Variants in DOCK4 observed in about 807,000 individuals in gnomAD.
The protein encoded by DOCK4 is dedicator of cytokinesis protein 4.
Under a neutral mutation model 268.1 loss-of-function variants are expected in DOCK4, and 97 were observed. That is an observed-to-expected ratio of 0.36 (90% CI 0.31 to 0.43). The LOEUF (loss-of-function observed/expected upper bound fraction) is 0.43, where lower values mean the gene tolerates loss of function less well. Among genes scored for constraint, DOCK4 ranks in the 20% least tolerant of loss-of-function variants. The pLI is 1.00. For synonymous variants in DOCK4, 954 were observed against 887.2 expected (o/e 1.08, Z -1.34); for missense variants, 2,145 against 2,455.7 (o/e 0.87, Z 2.67).
chr7:111,963,457 GA>G (rs1158222886), intron 8 of DOCK4, among the ~76,000 whole-genome samples: 1 of 109,866 alleles, frequency 9.1e-6, no homozygotes, highest in Non-Finnish European at 1.7e-5. Context: ...GACGCACCTG[GA>G]AAATCGGGTC....
intron 16 of DOCK4, among the ~76,000 whole-genome samples, chr7:111,881,093 A>C (rs1807345492): frequency 6.6e-6 from 1 of 152,196 alleles, no homozygotes; most frequent in Non-Finnish European, 1.5e-5. Flanking sequence ...CATCAAGTCA[A>C]AAAGCTGCAC....
intron 1 of DOCK4, among the ~76,000 whole-genome samples, chr7:112,168,654 A>C (rs1356875321): frequency 6.6e-6 from 1 of 152,198 alleles, no homozygotes; most frequent in African/African-American, 2.4e-5. Flanking sequence ...TCAGTGAGTC[A>C]AGATGCCAAG....
At chr7:112,034,376 A>C (rs1025984792) in intron 1 of DOCK4, among the ~76,000 whole-genome samples, 1 of 152,218 alleles carries the variant, frequency 6.6e-6, no homozygotes, top group African/African-American at 2.4e-5. Context: ...TCTGCCCCAC[A>C]CATGGTAATG....
At chr7:112,181,642 A>AAAAG (rs1662428403) in intron 1 of DOCK4, among the ~76,000 whole-genome samples, 1 of 150,338 alleles carries the variant, frequency 6.7e-6, no homozygotes, top group African/African-American at 2.4e-5. Context: ...ACTGTCTCAA[A>AAAAG]AAAAAAAAAA....
chr7:112,170,982 C>T (rs1438650263), intron 1 of DOCK4, among the ~76,000 whole-genome samples: 2 of 152,182 alleles, frequency 1.3e-5, no homozygotes, highest in Admixed American at 1.3e-4. Flanking sequence ...TCACAACACA[C>T]ACACACAGAA....
chr7:111,864,396 G>C (rs1805804987), intron 22 of DOCK4, among the ~76,000 whole-genome samples: 1 of 152,160 alleles, frequency 6.6e-6, no homozygotes. Flanking sequence ...GGCAATGGAA[G>C]AAGAGTCGAC....
At chr7:112,008,579 T>C (rs1436922561) in intron 1 of DOCK4, among the ~76,000 whole-genome samples, 1 of 152,196 alleles carries the variant, frequency 6.6e-6, no homozygotes, top group East Asian at 1.9e-4. Context: ...ATTCCTTGGT[T>C]TCAATGATGC....
In DOCK4 at chr7:111,737,059, C is replaced by T. The variant is rs182404082; in HGVS notation, c.5233-70G>A. The T allele has an allele frequency of 2.3e-4, 310 of 1,326,822 alleles. 1 individual carries two copies. The African/African-American group carries it at 3.6e-3, about 15-fold the overall frequency. 82.2% of individuals were successfully genotyped at this position (1,326,822 alleles called of 1,614,324 possible). A position where few individuals can be genotyped will look rare whatever the true frequency, so the allele number is the denominator to read the frequency against. On this transcript the variant is annotated intron_variant, in intron 49 of 52. Transcript: ENST00000428084. ...ATGTGAAACCTTTCAGAAAATGAGA[C>T]GATTATCTCCTCAGTAAAACTTTTT...
At chr7:112,128,960 T>C (rs1813544556) in intron 1 of DOCK4, among the ~76,000 whole-genome samples, 1 of 152,192 alleles carries the variant, frequency 6.6e-6, no homozygotes, top group Admixed American at 6.5e-5. Context: ...GGTGAAAATG[T>C]AGAATAGATA....
intron 1 of DOCK4, among the ~76,000 whole-genome samples, chr7:112,060,307 C>G (rs1372768760): frequency 6.6e-6 from 1 of 152,130 alleles, no homozygotes; most frequent in Non-Finnish European, 1.5e-5. Context: ...ATCAAAAAAA[C>G]CCCAGAAACT....
chr7:111,789,442 T>G (rs1253428157), intron 31 of DOCK4, among the ~76,000 whole-genome samples: 2 of 152,210 alleles, frequency 1.3e-5, no homozygotes, highest in Non-Finnish European at 2.9e-5. Flanking sequence ...AAAACTTCTC[T>G]ATGGCCAGAG....
chr7:111,745,753 C>A (rs886203559), intron 44 of DOCK4, among the ~76,000 whole-genome samples: 8 of 135,058 alleles, frequency 5.9e-5, no homozygotes, highest in Non-Finnish European at 3.1e-5. Context: ...AGAGAACATT[C>A]AAAGAATGTT....
At chr7:111,900,608 CT>C in intron 14 of DOCK4, 72 bp from the exon 15 acceptor site, 1 of 1,471,802 alleles carries the variant, frequency 6.8e-7, no homozygotes, top group South Asian at 1.3e-5. Flanking sequence ...AGAGCAATCA[CT>C]TTGCTCTATC....
chr7:111,896,486 G>GTT (rs750840339), intron 15 of DOCK4, among the ~76,000 whole-genome samples: 1 of 134,006 alleles, frequency 7.5e-6, no homozygotes, highest in Admixed American at 7.2e-5. Context: ...TTTCCACCAA[G>GTT]GTTTTTTTTT....
At chr7:111,766,497 G>A (rs1255107347) in intron 38 of DOCK4, among the ~76,000 whole-genome samples, 1 of 152,278 alleles carries the variant, frequency 6.6e-6, no homozygotes, top group East Asian at 1.9e-4. Flanking sequence ...GAACCTAAGA[G>A]CAAAGCAGAT....
At chr7:111,795,209 G>A (rs764590599) in intron 30 of DOCK4, among the ~76,000 whole-genome samples, 1 of 152,056 alleles carries the variant, frequency 6.6e-6, no homozygotes, top group Non-Finnish European at 1.5e-5. Flanking sequence ...TGGCACTCCT[G>A]GTAGTCCCAG....
chr7:112,087,032 C>G (rs911692430), intron 1 of DOCK4, among the ~76,000 whole-genome samples: 2 of 152,022 alleles, frequency 1.3e-5, no homozygotes, highest in African/African-American at 4.8e-5. Flanking sequence ...CTGAGATAAC[C>G]CTCAGGAGTC....
At chr7:112,026,716 A>G (rs1049554093) in intron 1 of DOCK4, among the ~76,000 whole-genome samples, 1 of 152,238 alleles carries the variant, frequency 6.6e-6, no homozygotes, top group Admixed American at 6.5e-5. Context: ...CTGCTTTTGC[A>G]CTATAATGAC....
intron 1 of DOCK4, among the ~76,000 whole-genome samples, chr7:112,008,837 T>C (rs1183440149): frequency 6.6e-6 from 1 of 152,052 alleles, no homozygotes; most frequent in Non-Finnish European, 1.5e-5. Context: ...CTACTAAAAA[T>C]ACAAAAAGTA....
Sources: allele counts gnomAD v4.1 joint callset (sites outside exome capture counted in the v4.1 genomes callset), GRCh38; gene constraint gnomAD v4.1.1; transcripts MANE v1.5; gene names NCBI Gene and HGNC (gene_info 2026-07-23, HGNC 2026-07-21).